ETV6: variants seen among roughly 807,000 people sequenced by gnomAD.
ETV6 encodes the protein transcription factor ETV6.
A neutral mutation model predicts 51.1 loss-of-function variants in ETV6; 16 were observed. The observed-to-expected ratio is 0.31, with a 90% CI of 0.21 to 0.48. The LOEUF is 0.48. ETV6 is among the 20% of genes least tolerant of loss of function. The probability of loss-of-function intolerance (pLI) is 0.99; values close to 1 mark genes in which losing one functional copy is unlikely to be tolerated. For missense variants in ETV6, 458 were observed against 594.8 expected (o/e 0.77, Z 2.39); for synonymous variants, 240 against 224.1 (o/e 1.07, Z -0.64).
intron 1 of ETV6, among the ~76,000 whole-genome samples, chr12:11,653,376 G>C (rs540108824): frequency 1.3e-5 from 2 of 152,316 alleles, no homozygotes; most frequent in African/African-American, 4.8e-5. Flanking sequence ...GGACTAACCA[G>C]AATCCAAAAA....
chr12:11,865,603 C>T (rs192246397), intron 4 of ETV6, among the ~76,000 whole-genome samples: 13 of 146,974 alleles, frequency 8.8e-5, no homozygotes, highest in Admixed American at 2.0e-4. Flanking sequence ...TATATATTAG[C>T]GTAGGCTTAT....
intron 1 of ETV6, among the ~76,000 whole-genome samples, chr12:11,699,261 A>G (rs1294657730): frequency 6.6e-6 from 1 of 152,216 alleles, no homozygotes; most frequent in African/African-American, 2.4e-5. Flanking sequence ...ATGTATTGAT[A>G]ACAGTTTTGC....
chr12:11,715,643 AAG>A (rs1192255566), intron 1 of ETV6, among the ~76,000 whole-genome samples: 1 of 152,224 alleles, frequency 6.6e-6, no homozygotes, highest in Non-Finnish European at 1.5e-5. Flanking sequence ...GCTGCTGAGG[AAG>A]AGTCGAACTT....
chr12:11,861,534 G>C (rs538745194), intron 4 of ETV6, among the ~76,000 whole-genome samples: 89 of 152,278 alleles, frequency 5.8e-4, no homozygotes, highest in East Asian at 1.2e-3. Flanking sequence ...CCTGCACCAG[G>C]GTCCTCCAAC....
At chr12:11,744,342 C>T (rs2121033541) in intron 1 of ETV6, among the ~76,000 whole-genome samples, 1 of 152,314 alleles carries the variant, frequency 6.6e-6, no homozygotes, top group South Asian at 2.1e-4. Context: ...AACTTGGCCA[C>T]TTTGTTGTGC....
chr12:11,745,015 T>C (rs1196692545), intron 1 of ETV6, among the ~76,000 whole-genome samples: 4 of 152,230 alleles, frequency 2.6e-5, no homozygotes. Flanking sequence ...GTTTTTTGCT[T>C]TGGTGCTTGT....
chr12:11,778,038 T>G (rs1331048643), intron 2 of ETV6, among the ~76,000 whole-genome samples: 1 of 152,116 alleles, frequency 6.6e-6, no homozygotes. Flanking sequence ...AATGGGTGGA[T>G]CTCACCTACG....
chr12:11,763,913 T>C (rs995742238), intron 2 of ETV6, among the ~76,000 whole-genome samples: 2 of 152,216 alleles, frequency 1.3e-5, no homozygotes, highest in African/African-American at 4.8e-5. Context: ...AGAGGGCTTA[T>C]AGTTGACTGT....
intron 2 of ETV6, among the ~76,000 whole-genome samples, chr12:11,792,090 A>T (rs2136388426): frequency 6.6e-6 from 1 of 152,314 alleles, no homozygotes; most frequent in South Asian, 2.1e-4. Flanking sequence ...CAAATAGATA[A>T]ATCAATATAC....
chr12:11,667,735 C>T (rs1272898355), intron 1 of ETV6, among the ~76,000 whole-genome samples: 1 of 135,860 alleles, frequency 7.4e-6, no homozygotes, highest in Non-Finnish European at 1.6e-5. Flanking sequence ...TGGAGTCTCA[C>T]TCGGCCGCCC....
chr12:11,871,469 C>G (rs1946880880), intron 5 of ETV6, among the ~76,000 whole-genome samples: 1 of 152,258 alleles, frequency 6.6e-6, no homozygotes, highest in East Asian at 1.9e-4. Context: ...GGATTACAGG[C>G]GTGAGCCACC....
chr12:11,783,446 T>A (rs2213231), intron 2 of ETV6, among the ~76,000 whole-genome samples: 1 of 151,770 alleles, frequency 6.6e-6, no homozygotes, highest in Middle Eastern at 3.2e-3. Flanking sequence ...GGTTGAAATG[T>A]GGAAGAAAGT....
At position 11,684,682 on chromosome 12, in the gene ETV6, T is replaced by C. The variant is rs114756974; in HGVS notation, c.33+34522T>C. Among the ~76,000 whole-genome samples the C allele has an allele frequency of 7.3e-3, 1,116 of 152,346 alleles. 10 individuals carry two copies. The highest frequency in any genetic ancestry group is 0.025 in the African/African-American group (1,038 of 41,570). ...TCAGCTATAAATACTTCAGGTTGTG[T>C]CTTTAACAGACTTAAAAACCAAGCA... On this transcript the variant is annotated intron_variant, in intron 1 of 7. Coordinates refer to ENST00000396373, the MANE Select transcript of ETV6 (RefSeq NM_001987.5).
chr12:11,853,337 A>G, intron 3 of ETV6, 90 bp from the exon 4 acceptor site: 1 of 1,498,876 alleles, frequency 6.7e-7, no homozygotes, highest in Non-Finnish European at 9.2e-7. Context: ...TATCTTTGGC[A>G]CCGTGCCAGG....
At chr12:11,793,185 G>C (rs947537049) in intron 2 of ETV6, among the ~76,000 whole-genome samples, 1 of 152,140 alleles carries the variant, frequency 6.6e-6, no homozygotes, top group African/African-American at 2.4e-5. Context: ...AGCTCACCCA[G>C]CACTAACTGT....
At chr12:11,654,203 G>A (rs760656344) in intron 1 of ETV6, among the ~76,000 whole-genome samples, 1 of 152,154 alleles carries the variant, frequency 6.6e-6, no homozygotes, top group Non-Finnish European at 1.5e-5. Context: ...TACAACAAAG[G>A]GGCTTAAGGA....
At chr12:11,887,098 T>C (rs921016382) in intron 7 of ETV6, among the ~76,000 whole-genome samples, 5 of 152,114 alleles carry the variant, frequency 3.3e-5, no homozygotes, top group Admixed American at 1.3e-4. Context: ...ATTAAGATCT[T>C]CAAAAGAAAC....
intron 1 of ETV6, among the ~76,000 whole-genome samples, chr12:11,686,966 A>G (rs531246248): frequency 1.3e-5 from 2 of 152,148 alleles, no homozygotes; most frequent in Admixed American, 1.3e-4. Flanking sequence ...GCTTACTGCA[A>G]TCTCCGCCTT....
chr12:11,660,760 A>G (rs1378769456), intron 1 of ETV6, among the ~76,000 whole-genome samples: 1 of 152,122 alleles, frequency 6.6e-6, no homozygotes, highest in African/African-American at 2.4e-5. Context: ...GCCCTTGGCC[A>G]TCAAATCAGA....
Sources: allele counts gnomAD v4.1 joint callset (sites outside exome capture counted in the v4.1 genomes callset), GRCh38; gene constraint gnomAD v4.1.1; transcripts MANE v1.5; gene names NCBI Gene and HGNC (gene_info 2026-07-23, HGNC 2026-07-21).